TSPAN9: variants seen among roughly 807,000 people sequenced by gnomAD.
TSPAN9 encodes the protein tetraspanin 9.
Under a neutral mutation model 31.0 loss-of-function variants are expected in TSPAN9, and 16 were observed. The observed-to-expected ratio is 0.52, with a 90% CI of 0.35 to 0.78. The LOEUF is 0.78. TSPAN9 is among the 30% of genes least tolerant of loss of function. The pLI is 0.01. For synonymous variants in TSPAN9, 145 were observed against 121.6 expected, an observed-to-expected ratio of 1.19 and a Z score of -1.27; for missense variants, 272 against 312.5, an observed-to-expected ratio of 0.87 and a Z score of 0.98.
At chr12:3,226,652 A>ATG (rs59811095) in intron 3 of TSPAN9, among the ~76,000 whole-genome samples, 4 of 95,570 alleles carry the variant, frequency 4.2e-5, no homozygotes, top group African/African-American at 1.7e-4. Flanking sequence ...TTTTATATAT[A>ATG]TGTGTGTGTG....
chr12:3,114,243 G>A (rs1416631907), intron 2 of TSPAN9, among the ~76,000 whole-genome samples: 2 of 152,174 alleles, frequency 1.3e-5, no homozygotes, highest in East Asian at 1.9e-4. Flanking sequence ...TCCAAAAAAT[G>A]TATTTACGGA....
At chr12:3,239,358 C>A (rs927504694) in intron 3 of TSPAN9, among the ~76,000 whole-genome samples, 10 of 152,224 alleles carry the variant, frequency 6.6e-5, no homozygotes, top group African/African-American at 1.9e-4. Context: ...TCAAGCCTGT[C>A]ATCTGAAAAG....
At chr12:3,223,836 C>T (rs1158925296) in intron 3 of TSPAN9, among the ~76,000 whole-genome samples, 6 of 152,162 alleles carry the variant, frequency 3.9e-5, no homozygotes, top group Admixed American at 2.6e-4. Flanking sequence ...GGCCAGGCGT[C>T]GGGATGGCAT....
chr12:3,108,976 C>T (rs902375940), intron 2 of TSPAN9, among the ~76,000 whole-genome samples: 4 of 151,316 alleles, frequency 2.6e-5, no homozygotes, highest in African/African-American at 9.7e-5. Flanking sequence ...CTCGCTCTTG[C>T]CCAGGCTGCA....
chr12:3,242,317 T>C (rs2098396984), intron 3 of TSPAN9, among the ~76,000 whole-genome samples: 1 of 152,232 alleles, frequency 6.6e-6, no homozygotes, highest in Admixed American at 6.5e-5. Context: ...TGCTCTAGGC[T>C]GGTGTGGGTG....
At chr12:3,157,783 G>T (rs557492952) in intron 2 of TSPAN9, among the ~76,000 whole-genome samples, 4 of 152,130 alleles carry the variant, frequency 2.6e-5, no homozygotes, top group Non-Finnish European at 5.9e-5. Context: ...TCAGGTGGGC[G>T]CTGGGCAGAC....
At chr12:3,196,370 C>T (rs2098367093) in intron 2 of TSPAN9, among the ~76,000 whole-genome samples, 1 of 152,186 alleles carries the variant, frequency 6.6e-6, no homozygotes. Flanking sequence ...GACATCACAT[C>T]AGGACATGAT....
chr12:3,120,881 C>T (rs866106495), intron 2 of TSPAN9, among the ~76,000 whole-genome samples: 2 of 152,226 alleles, frequency 1.3e-5, no homozygotes, highest in African/African-American at 4.8e-5. Flanking sequence ...GGTAGACCAG[C>T]CCCCAGGAGG....
intron 2 of TSPAN9, among the ~76,000 whole-genome samples, chr12:3,123,544 G>A (rs1276219933): frequency 6.6e-6 from 1 of 152,128 alleles, no homozygotes; most frequent in Non-Finnish European, 1.5e-5. Context: ...AGCTTCAGAT[G>A]AGAGAGACAG....
intron 2 of TSPAN9, among the ~76,000 whole-genome samples, chr12:3,177,954 C>A (rs2153970910): frequency 6.6e-6 from 1 of 152,296 alleles, no homozygotes; most frequent in South Asian, 2.1e-4. Flanking sequence ...CCGTGTCTTG[C>A]CCGCCGATGG....
intron 2 of TSPAN9, among the ~76,000 whole-genome samples, chr12:3,157,163 G>A (rs1394116300): frequency 4.0e-5 from 6 of 150,736 alleles, no homozygotes; most frequent in Non-Finnish European, 8.9e-5. Context: ...GCCGTGGCGC[G>A]ATCTCAGCTC....
intron 2 of TSPAN9, among the ~76,000 whole-genome samples, chr12:3,105,698 C>T (rs74057533): frequency 0.039 from 5,863 of 151,874 alleles, 389 homozygotes; most frequent in African/African-American, 0.13. Context: ...GTGTACATGC[C>T]CCTGGGGGCC....
At position 3,172,027 on chromosome 12, in the gene TSPAN9, C is replaced by T. The variant is rs1356261937; in HGVS notation, c.-17-29150C>T. ...AGGTAGCTAGTTTATGGGTCCCATC[C>T]TGGTTGTGATAACTCAGGCTGAGCT... On this transcript the variant is annotated intron_variant, in intron 2 of 8. Transcript: ENST00000011898. This position sits in a 1 kb window ranked among gnomAD's most constrained non-coding sequence, Gnocchi z 4.8. 1 of 152,224 alleles carries T rather than the reference C, an allele frequency of 6.6e-6. No individual in the cohort carries two copies. Among genetic ancestry groups the T allele is most frequent in the African/African-American group, 2.4e-5 (1 of 41,432 alleles). The allele number at this position is 152,224 out of a possible 1,614,324, so 9.4% of individuals were successfully genotyped here.
At chr12:3,238,106 C>T (rs7963488) in intron 3 of TSPAN9, among the ~76,000 whole-genome samples, 36,250 of 152,070 alleles carry the variant, frequency 0.24, 4,443 homozygotes, top group South Asian at 0.37. Flanking sequence ...CTCATTTTCC[C>T]ATGCTGTTTA....
At chr12:3,235,219 T>A (rs12309789) in intron 3 of TSPAN9, among the ~76,000 whole-genome samples, 85 of 5,312 alleles carry the variant, frequency 0.016, 10 homozygotes, top group East Asian at 0.029. Flanking sequence ...AAAAAAAAAA[T>A]ATATATATAT....
intron 2 of TSPAN9, among the ~76,000 whole-genome samples, chr12:3,178,013 G>A (rs1234596388): frequency 6.6e-6 from 1 of 152,194 alleles, no homozygotes; most frequent in Non-Finnish European, 1.5e-5. Context: ...GCAGGTTTCT[G>A]TTCTGCAGGT....
At position 3,192,806 on chromosome 12, in the gene TSPAN9, G is replaced by C. The variant is rs1430097803; in HGVS notation, c.-17-8371G>C. On this transcript the variant is annotated intron_variant, in intron 2 of 8. Coordinates refer to ENST00000011898, the MANE Select transcript of TSPAN9 (RefSeq NM_006675.5). The surrounding 1 kb of genome is among the most constrained non-coding windows in gnomAD (Gnocchi z 4.6). ...CTGAGGGCCTCCCTGAGGAGGAGGAGGAGGGCAGCCAGCATTTCCCTTAGA... is the reference window on the plus strand; with the variant it reads ...CTGAGGGCCTCCCTGAGGAGGAGGACGAGGGCAGCCAGCATTTCCCTTAGA... 2.6e-5 allele frequency among the ~76,000 whole-genome samples: 4 copies of C among 152,250 alleles called. No individual in the cohort carries two copies. In the East Asian group the frequency reaches 7.7e-4, roughly 29 times the overall value.
At chr12:3,146,838 T>A (rs745468579) in intron 2 of TSPAN9, among the ~76,000 whole-genome samples, 2 of 152,058 alleles carry the variant, frequency 1.3e-5, no homozygotes, top group African/African-American at 2.4e-5. Context: ...TGGTGGTGGA[T>A]CCCGTGGCCT....
Position 3,136,458 on chromosome 12 carries a change from G to A in TSPAN9, c.-18+52739G>A, listed in dbSNP as rs375931614. Among the ~76,000 whole-genome samples the A allele has an allele frequency of 1.2e-4, 19 of 152,312 alleles. No individual in the cohort carries two copies. The East Asian group carries it at 3.5e-3, about 28-fold the overall frequency. ...ACAGCCCCTGTGTCAGGTACTGGGG[G>A]ATCCTCTTTTTTGCAGATGAGGAAA... On this transcript the variant is annotated intron_variant, in intron 2 of 8. Transcript: ENST00000011898.
Sources: allele counts gnomAD v4.1 joint callset (sites outside exome capture counted in the v4.1 genomes callset), GRCh38; gene constraint gnomAD v4.1.1; non-coding constraint Gnocchi (gnomAD v3.1); transcripts MANE v1.5; gene names NCBI Gene and HGNC (gene_info 2026-07-23, HGNC 2026-07-21).